Variants in LINGO1 observed in about 807,000 individuals in gnomAD.
LINGO1 encodes the protein leucine rich repeat and Ig domain containing 1, also known as leucine-rich repeat and immunoglobulin-like domain-containing nogo receptor-interacting protein 1.
In LINGO1, 11 loss-of-function variants were observed where a neutral mutation model predicts 37.3. The ratio of observed to expected loss-of-function variants is 0.29; its 90% confidence interval spans 0.19 to 0.49. The LOEUF (loss-of-function observed/expected upper bound fraction) is 0.49. Ranked by LOEUF, LINGO1 falls within the 20% of genes least tolerant of loss-of-function variation. LINGO1 has a pLI of 0.99. For missense variants in LINGO1, 585 were observed against 878.2 expected (o/e 0.67, Z 4.22); for synonymous variants, 387 against 403.0 (o/e 0.96, Z 0.48).
intron 2 of LINGO1, among the ~76,000 whole-genome samples, chr15:77,686,952 C>T (rs1396861942): frequency 6.6e-6 from 1 of 152,226 alleles, no homozygotes; most frequent in Non-Finnish European, 1.5e-5. Context: ...GGGCCTGGCA[C>T]AGGAGCCTTG....
At chr15:77,617,092 A>T (rs1018137426) in intron 1 of LINGO1, among the ~76,000 whole-genome samples, 1 of 152,180 alleles carries the variant, frequency 6.6e-6, no homozygotes, top group African/African-American at 2.4e-5. Flanking sequence ...CTCTGAAGCC[A>T]TGCAGGGCTT....
intron 2 of LINGO1, among the ~76,000 whole-genome samples, chr15:77,794,487 C>T (rs2076851992): frequency 8.8e-6 from 1 of 114,000 alleles, no homozygotes; most frequent in Admixed American, 9.9e-5. Context: ...TATATACATA[C>T]ATATATACGT....
intron 3 of LINGO1, among the ~76,000 whole-genome samples, chr15:77,660,983 T>C (rs1305467180): frequency 6.6e-6 from 1 of 152,112 alleles, no homozygotes; most frequent in African/African-American, 2.4e-5. Context: ...GGGGTGATTA[T>C]GGGCAAACAG....
chr15:77,738,662 C>A (rs1366323818), intron 1 of LINGO1, among the ~76,000 whole-genome samples: 1 of 152,104 alleles, frequency 6.6e-6, no homozygotes, highest in Non-Finnish European at 1.5e-5. Context: ...GCAGGCAGGG[C>A]CCGAAGCCAC....
At chr15:77,629,235 T>C (rs1419557511) in intron 1 of LINGO1, among the ~76,000 whole-genome samples, 3 of 152,188 alleles carry the variant, frequency 2.0e-5, no homozygotes, top group Non-Finnish European at 2.9e-5. Flanking sequence ...CACAAGTAGA[T>C]TGTTGTCAGC....
At chr15:77,797,796 GCTATA>G (rs2076885530) in intron 1 of LINGO1, among the ~76,000 whole-genome samples, 1 of 152,236 alleles carries the variant, frequency 6.6e-6, no homozygotes, top group Non-Finnish European at 1.5e-5. Flanking sequence ...CAAGGTGACA[GCTATA>G]ATGTGGGCAG....
chr15:77,629,079 G>A (rs1448707745), intron 1 of LINGO1, among the ~76,000 whole-genome samples: 3 of 152,326 alleles, frequency 2.0e-5, no homozygotes, highest in African/African-American at 7.2e-5. Context: ...TATAGATAAG[G>A]AAACAGGCCC....
In LINGO1 at chr15:77,632,278, G is replaced by A. The variant is rs958038807; in HGVS notation, c.6+32C>T. On this transcript the variant is annotated intron_variant, in intron 1 of 1. Transcript: ENST00000355300. This position sits in a 1 kb window ranked among gnomAD's most constrained non-coding sequence, Gnocchi z 6.0. ...AGGGGCACTCGCCGCGGGGCTGCCC[G>A]CTCGGGGCTCGGCCGCGGCCGCCTG... The A allele has an allele frequency of 2.1e-6, 3 of 1,402,330 alleles. No individual in the cohort carries two copies. In the South Asian group the frequency reaches 4.6e-5, roughly 21 times the overall value. The allele number at this position is 1,402,330 out of a possible 1,614,324, so 86.9% of individuals were successfully genotyped here.
chr15:77,630,621 G>A (rs942866051), intron 1 of LINGO1, among the ~76,000 whole-genome samples: 6 of 152,156 alleles, frequency 3.9e-5, no homozygotes, highest in African/African-American at 1.4e-4. Flanking sequence ...TTGAGCACAT[G>A]CCCATCCCCC....
chr15:77,701,264 C>A (rs952643049), upstream of LINGO1, among the ~76,000 whole-genome samples: 1 of 152,078 alleles, frequency 6.6e-6, no homozygotes, highest in African/African-American at 2.4e-5. Flanking sequence ...TTGGGGGAAC[C>A]CTTCCTGGCT....
intron 1 of LINGO1, among the ~76,000 whole-genome samples, chr15:77,801,988 G>A (rs1352264123): frequency 6.6e-6 from 1 of 152,208 alleles, no homozygotes; most frequent in East Asian, 1.9e-4. Context: ...GGGATAAAGG[G>A]AACATAGAAA....
chr15:77,712,566 C>T (rs1201426181), intron 2 of LINGO1, among the ~76,000 whole-genome samples: 2 of 152,314 alleles, frequency 1.3e-5, no homozygotes, highest in East Asian at 3.9e-4. Flanking sequence ...GCAGCAATTC[C>T]AGCACTGCCC....
intron 1 of LINGO1, among the ~76,000 whole-genome samples, chr15:77,769,389 C>A (rs561696669): frequency 6.6e-5 from 10 of 152,356 alleles, no homozygotes; most frequent in African/African-American, 2.2e-4. Flanking sequence ...AGGTCCCCCC[C>A]CAGCCTCCCC....
chr15:77,692,319 T>C (rs2141253159), intron 1 of LINGO1, among the ~76,000 whole-genome samples: 1 of 152,248 alleles, frequency 6.6e-6, no homozygotes, highest in South Asian at 2.1e-4. Flanking sequence ...CACGTCTACT[T>C]CCCAAATATT....
intron 3 of LINGO1, among the ~76,000 whole-genome samples, chr15:77,657,029 C>T (rs898410348): frequency 1.3e-5 from 2 of 152,342 alleles, no homozygotes; most frequent in Admixed American, 6.5e-5. Flanking sequence ...CCCGTGCCCA[C>T]CCAGGGCAGC....
At chr15:77,796,257 T>A (rs1470010409) in intron 1 of LINGO1, among the ~76,000 whole-genome samples, 1 of 152,200 alleles carries the variant, frequency 6.6e-6, no homozygotes, top group East Asian at 1.9e-4. Context: ...AACTCATGCT[T>A]ACACACATAG....
chr15:77,714,871 C>A lies in LINGO1; in HGVS notation c.-195+20121G>T, dbSNP rs4076457. ...ACTCGATGACATGATCATTTCCCCACGTCTTGGCTGGGAGCTGCTTCCAGT... is the reference window on the plus strand; with the variant it reads ...ACTCGATGACATGATCATTTCCCCAAGTCTTGGCTGGGAGCTGCTTCCAGT... On this transcript the variant is annotated intron_variant, in intron 2 of 3. Transcript: ENST00000561686. 3.3e-5 allele frequency among the ~76,000 whole-genome samples: 5 copies of A among 152,184 alleles called. No individual in the cohort carries two copies. In the South Asian group the frequency reaches 8.3e-4, roughly 25 times the overall value.
chr15:77,728,558 G>A (rs1467229594), intron 2 of LINGO1, among the ~76,000 whole-genome samples: 2 of 152,192 alleles, frequency 1.3e-5, no homozygotes, highest in African/African-American at 2.4e-5. Flanking sequence ...TTGGGGATGG[G>A]ATGAAGCTAA....
intron 2 of LINGO1, among the ~76,000 whole-genome samples, chr15:77,717,426 G>T (rs2075997733): frequency 6.6e-6 from 1 of 150,778 alleles, no homozygotes; most frequent in Non-Finnish European, 1.5e-5. Context: ...AGGAGCCAGT[G>T]TGTCTACCAA....
Sources: allele counts gnomAD v4.1 joint callset (sites outside exome capture counted in the v4.1 genomes callset), GRCh38; gene constraint gnomAD v4.1.1; non-coding constraint Gnocchi (gnomAD v3.1); transcripts MANE v1.5; gene names NCBI Gene and HGNC (gene_info 2026-07-23, HGNC 2026-07-21).